The following MEP1A variants were observed in gnomAD, a reference collection of about 807,000 sequenced individuals.
MEP1A encodes N-benzoyl-L-tyrosyl-P-amino-benzoic acid hydrolase subunit alpha.
In MEP1A, 68 loss-of-function variants were observed where a neutral mutation model predicts 84.5. The ratio of observed to expected loss-of-function variants is 0.80; its 90% confidence interval spans 0.66 to 0.98. MEP1A has a LOEUF of 0.98. Among genes scored for constraint, MEP1A ranks in the 50% least tolerant of loss-of-function variants. The probability of loss-of-function intolerance (pLI) is 0.00; values close to 1 mark genes in which losing one functional copy is unlikely to be tolerated. For synonymous variants in MEP1A, 337 were observed against 336.8 expected, an observed-to-expected ratio of 1.00 and a Z score of -0.01; for missense variants, 887 against 919.9, an observed-to-expected ratio of 0.96 and a Z score of 0.46.
At chr6:46,827,055 C>T (rs1478290678) in intron 9 of MEP1A, among the ~76,000 whole-genome samples, 1 of 152,218 alleles carries the variant, frequency 6.6e-6, no homozygotes, top group African/African-American at 2.4e-5. Context: ...TTTACTCCTA[C>T]AGTACATCTC....
At position 46,839,335 on chromosome 6, in the gene MEP1A, AGTGTG is replaced by A; in HGVS notation, c.*200_*204del. The A allele has an allele frequency of 1.5e-5, 7 of 468,872 alleles. No individual in the cohort carries two copies. Among genetic ancestry groups the A allele is most frequent in the African/African-American group, 2.0e-5 (1 of 50,806 alleles). The allele number at this position is 468,872 out of a possible 1,614,324, so 29.0% of individuals were successfully genotyped here. On this transcript the variant is annotated 3_prime_UTR_variant, in exon 14 of 14. Coordinates refer to ENST00000230588, the MANE Select transcript of MEP1A (RefSeq NM_005588.3). ...TTTGCTATGTGCTCCTAATGTATCTAGTGTGTCCTGTGACAACACTCATCACACTT... is the reference window on the plus strand; with the variant it reads ...TTTGCTATGTGCTCCTAATGTATCTATCCTGTGACAACACTCATCACACTT...
chr6:46,825,114 T>C (rs1767905735), intron 7 of MEP1A, among the ~76,000 whole-genome samples, 158 bp from the exon 8 acceptor site: 1 of 141,828 alleles, frequency 7.1e-6, no homozygotes. Flanking sequence ...TAAATCTATT[T>C]AAATATTTAT....
At chr6:46,828,369 T>C (rs1472001961) in intron 9 of MEP1A, among the ~76,000 whole-genome samples, 1 of 152,194 alleles carries the variant, frequency 6.6e-6, no homozygotes. Context: ...CGTTTGATAT[T>C]TTAAGCTTGG....
chr6:46,809,417 C>A lies in MEP1A; in HGVS notation c.263-3C>A. On this transcript the variant is annotated splice_region_variant and splice_polypyrimidine_tract_variant and intron_variant, in intron 5 of 13. Coordinates refer to ENST00000230588, the MANE Select transcript of MEP1A (RefSeq NM_005588.3). ...TCATTGATATTTTTACTGATTTCTG[C>A]AGGGCTGAATGCTAAAGGAGCCATT... The A allele has an allele frequency of 6.3e-7, 1 of 1,579,438 alleles. No homozygotes were observed. The highest frequency in any genetic ancestry group is 1.4e-5 in the African/African-American group (1 of 74,028).
chr6:46,845,617 G>A, the MEP1A span, among the ~76,000 whole-genome samples: 15 of 152,288 alleles, frequency 9.8e-5, no homozygotes, highest in African/African-American at 3.4e-4. Flanking sequence ...GAGAAGAAAA[G>A]GGTTGGTCTT....
Position 46,819,587 on chromosome 6 carries a change from T to A in MEP1A, c.439T>A (p.Cys147Ser). The A allele has an allele frequency of 6.2e-7, 1 of 1,614,108 alleles. No individual in the cohort carries two copies. The highest frequency in any genetic ancestry group is 8.5e-7 in the Non-Finnish European group (1 of 1,179,996). ...VGQNISIGQG[C>S]AYKAIIEHEI... ...ACAGAACATTTCCATTGGCCAAGGATGTGCCTATAAGGCCATCATAGAACA... is the reference window on the plus strand; with the variant it reads ...ACAGAACATTTCCATTGGCCAAGGAAGTGCCTATAAGGCCATCATAGAACA... Residue 147 changes from cysteine to serine, a missense_variant, in exon 7 of 14, where the codon TGT becomes AGT. Coordinates refer to ENST00000230588, the MANE Select transcript of MEP1A (RefSeq NM_005588.3).
downstream of MEP1A, among the ~76,000 whole-genome samples, chr6:46,840,650 T>C (rs766733072): frequency 3.3e-5 from 5 of 152,238 alleles, no homozygotes; most frequent in Non-Finnish European, 5.9e-5. Context: ...CTTAGTTTAC[T>C]AACTTGTCAA....
intron 8 of MEP1A, among the ~76,000 whole-genome samples, chr6:46,826,138 T>A (rs983503809): frequency 5.1e-4 from 78 of 152,314 alleles, no homozygotes; most frequent in African/African-American, 1.8e-3. Context: ...ATTATAGTTT[T>A]TTTTATCTTG....
intron 13 of MEP1A, among the ~76,000 whole-genome samples, chr6:46,836,593 G>A (rs1270624345): frequency 6.6e-6 from 1 of 152,156 alleles, no homozygotes; most frequent in African/African-American, 2.4e-5. Context: ...TACAATGCTA[G>A]TAAATAAATT....
chr6:46,835,144 G>A, intron 12 of MEP1A, 105 bp from the exon 13 acceptor site: 1 of 987,078 alleles, frequency 1.0e-6, no homozygotes, highest in South Asian at 1.7e-5. Flanking sequence ...GTCACTAGGG[G>A]TGATGGGAGA....
downstream of MEP1A, among the ~76,000 whole-genome samples, chr6:46,841,584 C>G (rs1159958357): frequency 6.6e-6 from 1 of 152,188 alleles, no homozygotes; most frequent in African/African-American, 2.4e-5. Flanking sequence ...GAAATCCTCC[C>G]TGAATCTGAG....
At chr6:46,801,779 C>A (rs1386845753) in intron 5 of MEP1A, among the ~76,000 whole-genome samples, 1 of 151,934 alleles carries the variant, frequency 6.6e-6, no homozygotes, top group Non-Finnish European at 1.5e-5. Flanking sequence ...ATTTTGTGTA[C>A]AACAGGATGA....
downstream of MEP1A, among the ~76,000 whole-genome samples, chr6:46,843,172 A>G (rs1226147982): frequency 6.6e-6 from 1 of 152,134 alleles, no homozygotes; most frequent in African/African-American, 2.4e-5. Flanking sequence ...CTGCATTGTG[A>G]TATGTTTAGT....
chr6:46,793,740 AAAGT>A (rs1766986173), intron 3 of MEP1A, 24 bp downstream of exon 3: 1 of 1,553,992 alleles, frequency 6.4e-7, no homozygotes. Flanking sequence ...TTGTGTTATT[AAAGT>A]CTTGAAATTA....
rs758209737 is a variant in MEP1A, at chr6:46,799,140, G to A, written c.221G>A (p.Arg74Lys). The A allele has an allele frequency of 1.2e-6, 2 of 1,613,382 alleles. No homozygotes were observed. The highest frequency in any genetic ancestry group is 2.2e-5 in the South Asian group (2 of 91,064). The change falls in exon 5 of 14, where the codon AGG (arginine) becomes AAG (lysine). Residue 74 changes from arginine (R) to lysine (K), a missense_variant. Physicochemically the swap from Arg to Lys is conservative, Grantham distance 26 (BLOSUM62 2). Coordinates refer to ENST00000230588, the MANE Select transcript of MEP1A (RefSeq NM_005588.3). Reference protein sequence around the residue: ...SRNGLRDPNTRWTFPIPYILA... With the variant: ...SRNGLRDPNTKWTFPIPYILA... ...AATGGCCTGAGAGACCCAAACACCA[G>A]GTGGACGTTCCCCATTCCTTACATC...
rs7759542 is a variant in MEP1A, at chr6:46,839,387, T to C, written c.*251T>C. The C allele has an allele frequency of 0.013, 4,267 of 316,382 alleles. 187 individuals are homozygous for C. Among genetic ancestry groups the C allele is most frequent in the African/African-American group, 0.083 (3,874 of 46,782 alleles). 19.6% of individuals were successfully genotyped at this position (316,382 alleles called of 1,614,324 possible). ...ACTTCATTGTAAATCACTTGTTTTATTGACTGTCTTTCCTATAGACTGTAA... is the reference window on the plus strand; with the variant it reads ...ACTTCATTGTAAATCACTTGTTTTACTGACTGTCTTTCCTATAGACTGTAA... On this transcript the variant is annotated 3_prime_UTR_variant, in exon 14 of 14. Transcript: ENST00000230588.
chr6:46,819,558 T>C lies in MEP1A; in HGVS notation c.410T>C (p.Val137Ala), dbSNP rs1430746524. Residue 137 changes from valine (V) to alanine (A), a missense_variant, in exon 7 of 14, where the codon GTG (valine) becomes GCG (alanine). By Grantham distance (64) the Val-to-Ala change is moderately conservative. Transcript: ENST00000230588. ...GCWSEVGDQH[V>A]GQNISIGQGC... ...TGGTCTGAGGTTGGTGACCAACATG[T>C]GGGACAGAACATTTCCATTGGCCAA... is the stretch of plus-strand genomic sequence containing the variant. The C allele has an allele frequency of 3.1e-6, 5 of 1,613,450 alleles. No individual in the cohort carries two copies. Among genetic ancestry groups the C allele is most frequent in the Non-Finnish European group, 4.2e-6 (5 of 1,179,702 alleles).
chr6:46,795,282 C>T (rs182801425), intron 3 of MEP1A, among the ~76,000 whole-genome samples: 26 of 152,214 alleles, frequency 1.7e-4, no homozygotes, highest in African/African-American at 5.1e-4. Flanking sequence ...TCTACTCGAT[C>T]TACTTTTCTT....
intron 5 of MEP1A, among the ~76,000 whole-genome samples, chr6:46,809,193 A>G (rs1767431503): frequency 6.6e-6 from 1 of 152,098 alleles, no homozygotes; most frequent in Admixed American, 6.6e-5. Context: ...ACATATTTGC[A>G]TTGTGCATTT....
Sources: gnomAD v4.1 joint callset for allele counts (sites outside exome capture counted in the v4.1 genomes callset) on GRCh38, gnomAD v4.1.1 for gene constraint, MANE v1.5 for transcripts, NCBI Gene and HGNC (gene_info 2026-07-23, HGNC 2026-07-21) for gene names.